The following VWF variants were observed in gnomAD, a reference collection of about 807,000 sequenced individuals.
VWF encodes the protein von Willebrand factor.
A neutral mutation model predicts 308.6 loss-of-function variants in VWF; 176 were observed. That is an observed-to-expected ratio of 0.57 (90% CI 0.50 to 0.65). The LOEUF is 0.65. Among genes scored for constraint, VWF ranks in the 30% least tolerant of loss-of-function variants. VWF has a pLI of 0.00. For synonymous variants in VWF, 1,385 were observed against 1,443.4 expected, an observed-to-expected ratio of 0.96 and a Z score of 0.92; for missense variants, 3,146 against 3,648.2, an observed-to-expected ratio of 0.86 and a Z score of 3.55.
intron 34 of VWF, among the ~76,000 whole-genome samples, chr12:6,006,123 G>A (rs949080842): frequency 1.1e-4 from 16 of 152,136 alleles, no homozygotes; most frequent in Admixed American, 9.8e-4. Flanking sequence ...GTGGGGGAGA[G>A]GCAGTAAAAG....
At position 5,991,805 on chromosome 12, in the gene VWF, G is replaced by A. The variant is rs7315124; in HGVS notation, c.6798+14C>T. 0.015 allele frequency: 23,515 copies of A among 1,613,308 alleles called. 544 individuals carry two copies. The highest frequency in any genetic ancestry group is 0.091 in the African/African-American group (6,830 of 74,994). The stretch of plus-strand genomic sequence containing the variant: ...GAAGCAGCCCCATGGGAAGTGAAAG[G>A]CCCAGGCTCCTACCTGGTGCTGGAC... On this transcript the variant is annotated intron_variant, in intron 38 of 51. Transcript: ENST00000261405.
At chr12:6,092,614 T>TGAGAGAGAGAGTGAGAGAGAGAGAGA (rs1555073700) in intron 6 of VWF, among the ~76,000 whole-genome samples, 1 of 86,056 alleles carries the variant, frequency 1.2e-5, no homozygotes, top group African/African-American at 5.8e-5. Flanking sequence ...AGTGAGTGAG[T>TGAGAGAGAGAGTGAGAGAGAGAGAGA]GAGAGTGTGT....
chr12:5,983,962 GGATGGATA>G (rs1468820088), intron 40 of VWF, among the ~76,000 whole-genome samples: 2 of 133,950 alleles, frequency 1.5e-5, no homozygotes, highest in African/African-American at 5.6e-5. Context: ...TACATAGGAT[GGATGGATA>G]GATGGATAGA....
At chr12:5,956,383 C>T (rs537778387) in intron 47 of VWF, among the ~76,000 whole-genome samples, 4 of 152,216 alleles carry the variant, frequency 2.6e-5, no homozygotes, top group African/African-American at 9.6e-5. Flanking sequence ...GTGTTATTTC[C>T]CCTGAAGACT....
At chr12:6,040,625 C>G (rs1302562744) in intron 18 of VWF, among the ~76,000 whole-genome samples, 4 of 152,192 alleles carry the variant, frequency 2.6e-5, no homozygotes. Flanking sequence ...GGATTCAAAC[C>G]TGGAAGTGTG....
chr12:5,953,588 T>C lies in VWF; in HGVS notation c.7894A>G (p.Lys2632Glu). 6.2e-7 allele frequency: 1 copy of C among 1,614,074 alleles called. No individual in the cohort carries two copies. The highest frequency in any genetic ancestry group is 8.5e-7 in the Non-Finnish European group (1 of 1,179,942). ...TTCNPCPLGY[K>E]EENNTGECCG... ...CATTCACCTGTGTTATTTTCTTCCT[T>C]GTAACCCTGCATCCAGAGGGGGAAA... Residue 2632 changes from lysine (K) to glutamate (E), a missense_variant, in exon 48 of 52, where the codon AAG (lysine) becomes GAG (glutamate). Lys to Glu is a moderately conservative substitution (Grantham distance 56). Around this residue, in one of 3 missense-constraint regions of VWF, gnomAD observed 989 missense variants for 1,117.4 expected, o/e 0.89. Coordinates refer to ENST00000261405, the MANE Select transcript of VWF (RefSeq NM_000552.5).
chr12:6,100,352 G>A lies in VWF; in HGVS notation c.533-4768C>T, dbSNP rs1032142716. 5.1e-4 allele frequency among the ~76,000 whole-genome samples: 75 copies of A among 148,354 alleles called. 4 individuals are homozygous for A. Among genetic ancestry groups the A allele is most frequent in the African/African-American group, 1.9e-3 (71 of 38,192 alleles). On this transcript the variant is annotated intron_variant, in intron 5 of 51. Coordinates refer to ENST00000261405, the MANE Select transcript of VWF (RefSeq NM_000552.5). Reference sequence around the variant, plus strand: ...AGTGTGGTGATTCCTCAGGGATCTAGAACTAGAAATACCATTTGACCCAGC... The same window carrying A: ...AGTGTGGTGATTCCTCAGGGATCTAAAACTAGAAATACCATTTGACCCAGC...
Position 6,007,981 on chromosome 12 carries a change from A to G in VWF, c.5842+3636T>C, listed in dbSNP as rs115923894. Among the ~76,000 whole-genome samples, 811 of 152,282 alleles carry G rather than the reference A, an allele frequency of 5.3e-3. 11 individuals are homozygous for G. The highest frequency in any genetic ancestry group is 0.018 in the African/African-American group (755 of 41,570). Reference sequence around the variant, plus strand: ...AAATCCCTGAAACATACAACCTACCAAGCCTGAATGATGAATAAACAGAAA... The same window carrying G: ...AAATCCCTGAAACATACAACCTACCGAGCCTGAATGATGAATAAACAGAAA... On this transcript the variant is annotated intron_variant, in intron 34 of 51. Coordinates refer to ENST00000261405, the MANE Select transcript of VWF (RefSeq NM_000552.5).
chr12:6,071,350 G>C lies in VWF; in HGVS notation c.1110-7C>G. 6.2e-7 allele frequency: 1 copy of C among 1,614,148 alleles called. No homozygotes were observed. Among genetic ancestry groups the C allele is most frequent in the South Asian group, 1.1e-5 (1 of 91,042 alleles). On this transcript the variant is annotated splice_polypyrimidine_tract_variant and splice_region_variant and intron_variant, in intron 9 of 51. Transcript: ENST00000261405. ...CTGGCTGTTTCGGCAAATGCTGTTG[G>C]AGGGAAAAAGCACAGGTCATTGGTG...
chr12:5,994,126 G>C lies in VWF; in HGVS notation c.6334C>G (p.Gln2112Glu), dbSNP rs1465018524. The C allele has an allele frequency of 6.2e-7, 1 of 1,614,068 alleles. No homozygotes were observed. Among genetic ancestry groups the C allele is most frequent in the African/African-American group, 1.3e-5 (1 of 74,920 alleles). The change falls in exon 37 of 52, where the codon CAG (glutamine) becomes GAG (glutamate). Residue 2112 changes from glutamine (Q) to glutamate (E), a missense_variant. By Grantham distance (29) the Gln-to-Glu change is conservative. This residue lies in a region of VWF where 989 missense variants were observed against 1,117.4 expected (regional missense o/e 0.89). Transcript: ENST00000261405. ...TVTTDWKTLV[Q>E]EWTVQRPGQT... is the part of the protein sequence containing the mutation. ...CCTGGCCGCTGCACAGTCCATTCCT[G>C]AACAAGTGTTTTCCAGTCTGTGGTG...
At position 6,016,244 on chromosome 12, in the gene VWF, G is replaced by A; in HGVS notation, c.5312-12C>T. ...GCCCAAGGCATCCCCTGAGGATGGA[G>A]AACAGATCACGCCAAGTCAGTACTG... On this transcript the variant is annotated splice_polypyrimidine_tract_variant and intron_variant, in intron 30 of 51. Coordinates refer to ENST00000261405, the MANE Select transcript of VWF (RefSeq NM_000552.5). 1 of 1,614,196 alleles carries A rather than the reference G, an allele frequency of 6.2e-7. No individual in the cohort carries two copies. Among genetic ancestry groups the A allele is most frequent in the Non-Finnish European group, 8.5e-7 (1 of 1,180,040 alleles).
intron 47 of VWF, among the ~76,000 whole-genome samples, chr12:5,955,449 T>C (rs1224210254): frequency 3.3e-5 from 5 of 151,650 alleles, no homozygotes; most frequent in African/African-American, 1.2e-4. Flanking sequence ...TTCCCATCTA[T>C]GAGTGAGAAC....
chr12:6,036,112 A>G (rs1200357179), intron 19 of VWF, among the ~76,000 whole-genome samples: 1 of 152,240 alleles, frequency 6.6e-6, no homozygotes, highest in Non-Finnish European at 1.5e-5. Flanking sequence ...TCAAAGTCCA[A>G]AATAATCCAA....
intron 5 of VWF, among the ~76,000 whole-genome samples, chr12:6,098,939 G>A (rs1262721012): frequency 6.6e-6 from 1 of 151,848 alleles, no homozygotes; most frequent in Non-Finnish European, 1.5e-5. Flanking sequence ...GTAGGAAGGA[G>A]ATCCTGAGAC....
At chr12:6,110,717 C>T (rs1373388659) in intron 4 of VWF, 135 bp from the exon 5 acceptor site, 8 of 1,288,002 alleles carry the variant, frequency 6.2e-6, no homozygotes, top group South Asian at 2.4e-5. Context: ...GATCAGCAAT[C>T]GGGAGAGCTG....
intron 36 of VWF, 102 bp from the exon 37 acceptor site, chr12:5,994,305 C>T (rs935666921): frequency 2.5e-6 from 4 of 1,590,806 alleles, no homozygotes; most frequent in Non-Finnish European, 3.4e-6. Context: ...CAGAATCTGA[C>T]CCTCGCTACT....
intron 6 of VWF, among the ~76,000 whole-genome samples, chr12:6,087,451 C>T (rs1182434653): frequency 1.3e-5 from 2 of 148,600 alleles, no homozygotes; most frequent in Non-Finnish European, 3.0e-5. Flanking sequence ...CTTCGCCTCC[C>T]GGGTTCACGC....
chr12:5,997,396 C>A (rs1286051908), intron 34 of VWF, among the ~76,000 whole-genome samples: 3 of 152,166 alleles, frequency 2.0e-5, no homozygotes, highest in African/African-American at 7.2e-5. Flanking sequence ...TCACACAAGG[C>A]AAGTTAGTGA....
At chr12:6,013,246 T>TA (rs1451167926) in intron 32 of VWF, among the ~76,000 whole-genome samples, 1 of 152,130 alleles carries the variant, frequency 6.6e-6, no homozygotes, top group Non-Finnish European at 1.5e-5. Flanking sequence ...CATGGACAAT[T>TA]AGAGTGGAAA....
Sources: gnomAD v4.1 joint callset for allele counts (sites outside exome capture counted in the v4.1 genomes callset) on GRCh38, gnomAD v4.1.1 for gene constraint, gnomAD v4.1.1 regional missense constraint, MANE v1.5 for transcripts, NCBI Gene and HGNC (gene_info 2026-07-23, HGNC 2026-07-21) for gene names.